The following GRIN2A variants were observed in gnomAD, a reference collection of about 807,000 sequenced individuals.
GRIN2A encodes the protein glutamate ionotropic receptor NMDA type subunit 2A.
GRIN2A carries 22 observed loss-of-function variants against 113.4 expected under a neutral mutation model. That is an observed-to-expected ratio of 0.19 (90% confidence interval 0.14 to 0.28). The LOEUF is 0.28. Among genes scored for constraint, GRIN2A ranks in the 10% least tolerant of loss-of-function variants. GRIN2A has a pLI of 1.00. For synonymous variants in GRIN2A, 827 were observed against 738.4 expected (o/e 1.12, Z -1.94); for missense variants, 1,502 against 1,887.0 (o/e 0.80, Z 3.78).
chr16:9,838,118 G>T, intron 7 of GRIN2A, among the ~76,000 whole-genome samples: 1 of 152,172 alleles, frequency 6.6e-6, no homozygotes, highest in East Asian at 1.9e-4. Flanking sequence ...AATGGGCTTG[G>T]AGTTGGTGTC....
chr16:9,784,156 G>A (rs1902082430), intron 11 of GRIN2A, among the ~76,000 whole-genome samples: 1 of 152,132 alleles, frequency 6.6e-6, no homozygotes, highest in African/African-American at 2.4e-5. Flanking sequence ...ATGGCTGGGT[G>A]TGGTGGCTCA....
At chr16:10,032,646 A>T (rs1353806804) in intron 2 of GRIN2A, among the ~76,000 whole-genome samples, 1 of 152,160 alleles carries the variant, frequency 6.6e-6, no homozygotes, top group Admixed American at 6.5e-5. Flanking sequence ...GAAAATGAAA[A>T]CTTTCCAGTA....
At chr16:10,068,713 T>A (rs1208235307) in intron 2 of GRIN2A, among the ~76,000 whole-genome samples, 2 of 152,074 alleles carry the variant, frequency 1.3e-5, no homozygotes, top group African/African-American at 2.4e-5. Flanking sequence ...AGGCAGATAA[T>A]AGATAATGTA....
intron 3 of GRIN2A, among the ~76,000 whole-genome samples, chr16:9,904,348 T>A (rs1567167100): frequency 1.3e-5 from 2 of 152,026 alleles, no homozygotes; most frequent in African/African-American, 4.8e-5. Context: ...CTACTTCATG[T>A]CTCCTCCTCT....
chr16:9,844,300 C>A (rs1334935863), intron 5 of GRIN2A, among the ~76,000 whole-genome samples: 2 of 152,218 alleles, frequency 1.3e-5, no homozygotes, highest in Non-Finnish European at 2.9e-5. Context: ...TTTCACCCAA[C>A]AAGCACCCAC....
intron 4 of GRIN2A, among the ~76,000 whole-genome samples, chr16:9,877,366 T>G (rs955568149): frequency 9.2e-5 from 14 of 152,090 alleles, no homozygotes; most frequent in Non-Finnish European, 2.1e-4. Flanking sequence ...TTAGAAATAT[T>G]TTATTTTTCC....
At chr16:9,819,758 G>A (rs2141288586) in intron 10 of GRIN2A, among the ~76,000 whole-genome samples, 1 of 151,976 alleles carries the variant, frequency 6.6e-6, no homozygotes, top group South Asian at 2.1e-4. Flanking sequence ...GAGCTCAGAA[G>A]TTCAAGATGT....
intron 7 of GRIN2A, among the ~76,000 whole-genome samples, chr16:9,838,707 T>C (rs909490654): frequency 7.9e-5 from 12 of 152,332 alleles, no homozygotes; most frequent in African/African-American, 2.9e-4. Context: ...CATTCCACAG[T>C]GTCAAGACCA....
At chr16:9,790,244 C>G (rs1486254007) in intron 11 of GRIN2A, among the ~76,000 whole-genome samples, 2 of 152,208 alleles carry the variant, frequency 1.3e-5, no homozygotes, top group Admixed American at 6.5e-5. Context: ...CCCAAAGAAA[C>G]AGAACAAAGG....
At chr16:9,950,507 T>C (rs140328985) in intron 2 of GRIN2A, among the ~76,000 whole-genome samples, 208 of 152,198 alleles carry the variant, frequency 1.4e-3, no homozygotes, top group African/African-American at 4.6e-3. Flanking sequence ...TATCCAAAGC[T>C]CCCAGGAAGC....
intron 11 of GRIN2A, among the ~76,000 whole-genome samples, chr16:9,773,833 T>G (rs1449652620): frequency 6.6e-6 from 1 of 152,200 alleles, no homozygotes; most frequent in African/African-American, 2.4e-5. Flanking sequence ...AAGCTGTAAG[T>G]TCAGTAGAAG....
At chr16:9,820,755 C>T (rs1044550622) in intron 10 of GRIN2A, among the ~76,000 whole-genome samples, 26 of 151,954 alleles carry the variant, frequency 1.7e-4, no homozygotes, top group Non-Finnish European at 2.4e-4. Flanking sequence ...GGGTGTGGGG[C>T]GGGGTTCCAG....
chr16:9,888,891 T>C (rs2043639440), intron 4 of GRIN2A, among the ~76,000 whole-genome samples: 1 of 152,134 alleles, frequency 6.6e-6, no homozygotes, highest in African/African-American at 2.4e-5. Context: ...TCTGTTAATG[T>C]GGTAAATTAA....
chr16:10,052,864 A>G (rs2047382342), intron 2 of GRIN2A, among the ~76,000 whole-genome samples: 1 of 152,156 alleles, frequency 6.6e-6, no homozygotes, highest in Non-Finnish European at 1.5e-5. Flanking sequence ...CCTGGCCAAC[A>G]TGGTGAAACC....
At chr16:9,912,235 GATA>G (rs2044156570) in intron 3 of GRIN2A, among the ~76,000 whole-genome samples, 1 of 152,116 alleles carries the variant, frequency 6.6e-6, no homozygotes, top group South Asian at 2.1e-4. Flanking sequence ...AATGATGATA[GATA>G]ATGATGTTGG....
At chr16:9,932,323 G>T (rs2044611644) in intron 3 of GRIN2A, among the ~76,000 whole-genome samples, 1 of 152,262 alleles carries the variant, frequency 6.6e-6, no homozygotes, top group Admixed American at 6.5e-5. Context: ...AATATCATGG[G>T]CTATGGCATG....
chr16:10,028,657 T>G (rs1868286), intron 2 of GRIN2A, among the ~76,000 whole-genome samples: 1 of 152,066 alleles, frequency 6.6e-6, no homozygotes, highest in Non-Finnish European at 1.5e-5. Flanking sequence ...TACCCACCAT[T>G]GGACCATCAG....
At chr16:9,881,789 T>G (rs2043486212) in intron 4 of GRIN2A, among the ~76,000 whole-genome samples, 1 of 152,208 alleles carries the variant, frequency 6.6e-6, no homozygotes, top group African/African-American at 2.4e-5. Flanking sequence ...GCTATTGTCT[T>G]TCTAAGCAAA....
At chr16:10,007,928 C>G (rs1211614270) in intron 2 of GRIN2A, among the ~76,000 whole-genome samples, 1 of 152,168 alleles carries the variant, frequency 6.6e-6, no homozygotes, top group East Asian at 1.9e-4. Context: ...AAAAAGCTTA[C>G]TCTGACAAGT....
Sources: allele counts gnomAD v4.1 joint callset (sites outside exome capture counted in the v4.1 genomes callset), GRCh38; gene constraint gnomAD v4.1.1; transcripts MANE v1.5; gene names NCBI Gene and HGNC (gene_info 2026-07-23, HGNC 2026-07-21).